The following CDADC1 variants were observed in gnomAD, a reference collection of about 807,000 sequenced individuals.
CDADC1 encodes the protein dCTP deaminase.
Under a neutral mutation model 54.9 loss-of-function variants are expected in CDADC1, and 39 were observed. The ratio of observed to expected loss-of-function variants is 0.71; its 90% CI spans 0.55 to 0.93. The LOEUF (loss-of-function observed/expected upper bound fraction) is 0.93. Ranked by LOEUF, CDADC1 falls within the 40% of genes least tolerant of loss-of-function variation. The pLI, the probability that CDADC1 is intolerant of heterozygous loss-of-function variation, is 0.00. For synonymous variants in CDADC1, 186 were observed against 204.0 expected (o/e 0.91, Z 0.75); for missense variants, 518 against 618.8 (o/e 0.84, Z 1.73).
intron 4 of CDADC1, among the ~76,000 whole-genome samples, chr13:49,263,825 C>T (rs1349408152): frequency 1.3e-5 from 2 of 152,098 alleles, no homozygotes; most frequent in Non-Finnish European, 1.5e-5. Context: ...TCTAACAACA[C>T]ATCTATTCAC....
chr13:49,291,443 A>G (rs1174063436), intron 9 of CDADC1, among the ~76,000 whole-genome samples: 1 of 152,156 alleles, frequency 6.6e-6, no homozygotes, highest in African/African-American at 2.4e-5. Context: ...AAGTGTTAAA[A>G]TTACAGACGT....
At chr13:49,264,083 C>T (rs1952752813) in intron 4 of CDADC1, among the ~76,000 whole-genome samples, 1 of 152,218 alleles carries the variant, frequency 6.6e-6, no homozygotes, top group Non-Finnish European at 1.5e-5. Flanking sequence ...AGGGCTAGAT[C>T]AGGCATTATA....
intron 8 of CDADC1, among the ~76,000 whole-genome samples, chr13:49,283,787 C>G (rs963602976): frequency 3.9e-5 from 6 of 152,170 alleles, no homozygotes; most frequent in Non-Finnish European, 8.8e-5. Context: ...GGCTGTTGTT[C>G]ATGGTTGTTC....
At chr13:49,290,681 A>C (rs1380539288) in intron 9 of CDADC1, among the ~76,000 whole-genome samples, 1 of 152,124 alleles carries the variant, frequency 6.6e-6, no homozygotes, top group African/African-American at 2.4e-5. Context: ...ATGTGTACTT[A>C]TGTCAGAAAT....
intron 8 of CDADC1, among the ~76,000 whole-genome samples, chr13:49,284,407 T>G (rs951489573): frequency 6.6e-6 from 1 of 152,234 alleles, no homozygotes; most frequent in Admixed American, 6.5e-5. Flanking sequence ...TTCCAACCCA[T>G]AGGCCTAACT....
intron 8 of CDADC1, among the ~76,000 whole-genome samples, chr13:49,282,913 G>A (rs1050184373): frequency 7.9e-5 from 12 of 152,198 alleles, no homozygotes; most frequent in South Asian, 2.1e-4. Flanking sequence ...CCATGAAACC[G>A]GTACCTGGTC....
At chr13:49,248,160 C>T (rs1455744904) in intron 1 of CDADC1, 41 bp downstream of exon 1, 1 of 1,492,196 alleles carries the variant, frequency 6.7e-7, no homozygotes, top group South Asian at 1.2e-5. Flanking sequence ...CTACCTTTCG[C>T]TCTGCCCTGT....
intron 9 of CDADC1, among the ~76,000 whole-genome samples, chr13:49,289,146 T>A (rs991546554): frequency 4.6e-4 from 54 of 117,388 alleles, no homozygotes; most frequent in African/African-American, 1.4e-3. Flanking sequence ...TTTTTTTTTT[T>A]ATGACGGAGT....
chr13:49,286,467 G>A (rs1953517428), intron 9 of CDADC1, among the ~76,000 whole-genome samples, 185 bp downstream of exon 9: 1 of 152,184 alleles, frequency 6.6e-6, no homozygotes, highest in Admixed American at 6.5e-5. Context: ...GCTATGGAAA[G>A]TGCCGATTAA....
chr13:49,248,797 T>C lies in CDADC1; in HGVS notation c.83-74T>C, dbSNP rs576948703. The C allele has an allele frequency of 1.8e-5, 17 of 929,450 alleles. No individual in the cohort carries two copies. The East Asian group carries it at 2.6e-4, about 14-fold the overall frequency. 57.6% of individuals were successfully genotyped at this position (929,450 alleles called of 1,614,324 possible). A position where few individuals can be genotyped will look rare whatever the true frequency, so the allele number is the denominator to read the frequency against. ...GCAGCTGGGCTTAGGCTGCAGCACCTAAGTGGCATTGAGATTGGCTCCCTT... is the reference window on the plus strand; with the variant it reads ...GCAGCTGGGCTTAGGCTGCAGCACCCAAGTGGCATTGAGATTGGCTCCCTT... On this transcript the variant is annotated intron_variant, in intron 1 of 9. Transcript: ENST00000251108.
At chr13:49,277,837 A>G (rs1334255542) in intron 6 of CDADC1, among the ~76,000 whole-genome samples, 2 of 152,208 alleles carry the variant, frequency 1.3e-5, no homozygotes, top group South Asian at 2.1e-4. Flanking sequence ...CTAAATCACA[A>G]TAGCACATTT....
At position 49,286,263 on chromosome 13, in the gene CDADC1, T is replaced by A; in HGVS notation, c.1452T>A (p.Asn484Lys). ...CAGGAGCTTATGGTCTTGAACAAAA[T>A]GAGCCTGAAAGGAGAGAAAGTAAGT... ...NPSGAYGLEQ[N>K]EPERRENGVL... Residue 484 changes from asparagine to lysine, a missense_variant, in exon 9 of 10, where the codon AAT becomes AAA. Transcript: ENST00000251108. 6.2e-7 allele frequency: 1 copy of A among 1,613,422 alleles called. No homozygotes were observed. The highest frequency in any genetic ancestry group is 8.5e-7 in the Non-Finnish European group (1 of 1,179,370).
chr13:49,275,436 G>A (rs1327155677), intron 6 of CDADC1, among the ~76,000 whole-genome samples: 2 of 151,162 alleles, frequency 1.3e-5, no homozygotes, highest in Non-Finnish European at 2.9e-5. Context: ...TGAAGATTAG[G>A]AGGATATCAT....
At chr13:49,250,246 C>T (rs142573457) in intron 2 of CDADC1, among the ~76,000 whole-genome samples, 26 of 152,302 alleles carry the variant, frequency 1.7e-4, no homozygotes, top group African/African-American at 6.3e-4. Context: ...TCCTTAAATT[C>T]CCACAGTACT....
intron 4 of CDADC1, among the ~76,000 whole-genome samples, chr13:49,261,117 CTT>C (rs1265202478): frequency 3.3e-5 from 5 of 152,174 alleles, no homozygotes; most frequent in Non-Finnish European, 7.3e-5. Flanking sequence ...AGCCTTTGGA[CTT>C]TATCTTATAA....
chr13:49,267,960 A>G lies in CDADC1; in HGVS notation c.901A>G (p.Ser301Gly). The change falls in exon 5 of 10, where the codon AGC (serine) becomes GGC (glycine). Residue 301 changes from serine (S) to glycine (G), a missense_variant. Coordinates refer to ENST00000251108, the MANE Select transcript of CDADC1 (RefSeq NM_030911.4). ...PNFKHFGFYR[S>G]NPEQINEIHN... ...CTTTAAACACTTCGGATTTTACCGTAGCAATCCAGAACAGATTAATGAAAT... is the reference window on the plus strand; with the variant it reads ...CTTTAAACACTTCGGATTTTACCGTGGCAATCCAGAACAGATTAATGAAAT... 6.2e-7 allele frequency: 1 copy of G among 1,614,158 alleles called. No individual in the cohort carries two copies. Among genetic ancestry groups the G allele is most frequent in the Non-Finnish European group, 8.5e-7 (1 of 1,180,000 alleles).
intron 6 of CDADC1, among the ~76,000 whole-genome samples, chr13:49,277,421 T>A (rs762677013): frequency 1.3e-5 from 2 of 152,058 alleles, no homozygotes; most frequent in Non-Finnish European, 2.9e-5. Context: ...GGTGACAGAG[T>A]GAGACCCTGT....
chr13:49,287,686 A>ACTAGGC (rs1384471728), intron 9 of CDADC1, among the ~76,000 whole-genome samples: 2 of 152,162 alleles, frequency 1.3e-5, no homozygotes, highest in African/African-American at 4.8e-5. Flanking sequence ...AAAATATATT[A>ACTAGGC]CTAGGCCAGG....
At chr13:49,262,676 G>A (rs1186874667) in intron 4 of CDADC1, among the ~76,000 whole-genome samples, 4 of 152,032 alleles carry the variant, frequency 2.6e-5, no homozygotes, top group African/African-American at 4.8e-5. Flanking sequence ...GATTACAAGC[G>A]TGCACCAGCA....
Sources: gnomAD v4.1 joint callset for allele counts (sites outside exome capture counted in the v4.1 genomes callset) on GRCh38, gnomAD v4.1.1 for gene constraint, MANE v1.5 for transcripts, NCBI Gene and HGNC (gene_info 2026-07-23, HGNC 2026-07-21) for gene names.